The following ANO2 variants were observed in gnomAD, a reference collection of about 807,000 sequenced individuals.
ANO2 encodes the protein anoctamin 2.
ANO2 carries 101 observed loss-of-function variants against 124.2 expected under a neutral mutation model. That is an observed-to-expected ratio of 0.81 (90% confidence interval 0.69 to 0.96). The LOEUF (loss-of-function observed/expected upper bound fraction) is 0.96. Ranked by LOEUF, ANO2 falls within the 40% of genes least tolerant of loss-of-function variation. ANO2 has a pLI of 0.00. For synonymous variants in ANO2, 486 were observed against 482.5 expected (o/e 1.01, Z -0.09); for missense variants, 1,293 against 1,274.5 (o/e 1.01, Z -0.22).
chr12:5,677,828 G>A (rs3782619), intron 14 of ANO2, among the ~76,000 whole-genome samples: 19,512 of 152,168 alleles, frequency 0.13, 1,315 homozygotes, highest in East Asian at 0.22. Flanking sequence ...CTTCCCTGCC[G>A]TTCCCACTTC....
intron 9 of ANO2, among the ~76,000 whole-genome samples, chr12:5,800,274 G>A (rs971393974): frequency 1.4e-4 from 21 of 152,238 alleles, no homozygotes; most frequent in African/African-American, 5.1e-4. Flanking sequence ...GAGAACGTGG[G>A]AGACAAAGTC....
intron 16 of ANO2, among the ~76,000 whole-genome samples, chr12:5,615,947 T>C (rs902947718): frequency 4.6e-5 from 7 of 152,082 alleles, no homozygotes; most frequent in Admixed American, 1.3e-4. Flanking sequence ...GTTTGACTCA[T>C]AGGTCACGGG....
At chr12:5,750,707 G>A in intron 11 of ANO2, 129 bp downstream of exon 11, 1 of 984,972 alleles carries the variant, frequency 1.0e-6, no homozygotes, top group South Asian at 1.8e-5. Flanking sequence ...AGCTACATGT[G>A]TCATAGCGAA....
intron 3 of ANO2, among the ~76,000 whole-genome samples, chr12:5,920,020 C>G (rs930537088): frequency 4.6e-5 from 7 of 151,592 alleles, no homozygotes; most frequent in Non-Finnish European, 7.4e-5. Flanking sequence ...TTTAAAGGAT[C>G]ACTGTGGTGT....
At position 5,832,476 on chromosome 12, in the gene ANO2, G is replaced by C; in HGVS notation, c.761C>G (p.Pro254Arg). The change falls in exon 5 of 25, where the codon CCA (proline) becomes CGA (arginine). Residue 254 changes from proline (P) to arginine (R), a missense_variant. Coordinates refer to ENST00000682330, the MANE Select transcript of ANO2 (RefSeq NM_001364791.2). Reference sequence around the variant, plus strand: ...CAGGTACATCTTCTCCCTGGAGAATGGGTAGGAGAGGTTTTTCATCTTGTT... The same window carrying C: ...CAGGTACATCTTCTCCCTGGAGAATCGGTAGGAGAGGTTTTTCATCTTGTT... ...SNNKMKNLSY[P>R]FSREKMYLYN... 1 of 1,613,990 alleles carries C rather than the reference G, an allele frequency of 6.2e-7. No individual in the cohort carries two copies. Among genetic ancestry groups the C allele is most frequent in the East Asian group, 2.2e-5 (1 of 44,876 alleles).
Position 5,943,249 on chromosome 12 carries a change from T to C in ANO2, c.22+1947A>G, listed in dbSNP as rs114230038. On this transcript the variant is annotated intron_variant, in intron 1 of 24. Coordinates refer to ENST00000682330, the MANE Select transcript of ANO2 (RefSeq NM_001364791.2). ...TTAACTAAAAAGTGAATAAAGAAAA[T>C]GTGGGATGTCTGTGTTTGAGTGTGT... is the stretch of plus-strand genomic sequence containing the variant. 6.0e-3 allele frequency among the ~76,000 whole-genome samples: 896 copies of C among 148,870 alleles called. 5 individuals are homozygous for C. Among genetic ancestry groups the C allele is most frequent in the African/African-American group, 0.021 (857 of 40,438 alleles).
intron 4 of ANO2, among the ~76,000 whole-genome samples, chr12:5,846,817 G>T (rs1483652375): frequency 1.3e-5 from 2 of 152,096 alleles, no homozygotes; most frequent in Non-Finnish European, 2.9e-5. Flanking sequence ...CTAAATCCAG[G>T]ATGATCTCAT....
chr12:5,784,078 T>C (rs1351785798), intron 10 of ANO2, among the ~76,000 whole-genome samples: 3 of 152,206 alleles, frequency 2.0e-5, no homozygotes, highest in Non-Finnish European at 4.4e-5. Flanking sequence ...ACACTCTTCA[T>C]TCCAGCTACA....
chr12:5,915,178 A>C (rs537264309), intron 3 of ANO2, among the ~76,000 whole-genome samples: 1 of 152,354 alleles, frequency 6.6e-6, no homozygotes, highest in South Asian at 2.1e-4. Context: ...GTCACCCATA[A>C]GCATCTCCAA....
chr12:5,941,812 G>T (rs1942905041), intron 1 of ANO2, among the ~76,000 whole-genome samples: 1 of 152,118 alleles, frequency 6.6e-6, no homozygotes, highest in Non-Finnish European at 1.5e-5. Context: ...ATGAATTTAG[G>T]CTAGCTTCTC....
chr12:5,809,971 A>G (rs532754793), intron 7 of ANO2, among the ~76,000 whole-genome samples: 1 of 151,860 alleles, frequency 6.6e-6, no homozygotes, highest in Non-Finnish European at 1.5e-5. Flanking sequence ...AAACTTTTAC[A>G]CTCCAGCTGA....
intron 10 of ANO2, among the ~76,000 whole-genome samples, chr12:5,781,848 T>C (rs146462381): frequency 1.6e-4 from 24 of 152,358 alleles, no homozygotes; most frequent in Non-Finnish European, 3.2e-4. Flanking sequence ...TTTAAAATCA[T>C]TGGAACTTGT....
chr12:5,940,123 T>C (rs1003468526), intron 1 of ANO2, among the ~76,000 whole-genome samples: 1 of 152,164 alleles, frequency 6.6e-6, no homozygotes, highest in African/African-American at 2.4e-5. Context: ...TGTGTGACAG[T>C]AGTTGGCCAA....
At chr12:5,771,308 C>A in intron 10 of ANO2, among the ~76,000 whole-genome samples, 1 of 152,110 alleles carries the variant, frequency 6.6e-6, no homozygotes, top group East Asian at 1.9e-4. Context: ...GGTCACACAG[C>A]TAATGAGAAG....
At chr12:5,584,776 G>A (rs1943013850) in intron 20 of ANO2, among the ~76,000 whole-genome samples, 1 of 152,188 alleles carries the variant, frequency 6.6e-6, no homozygotes, top group Admixed American at 6.5e-5. Context: ...GAAAAGGCAC[G>A]AGCTATTTTA....
At chr12:5,816,265 T>C (rs1953606828) in intron 7 of ANO2, among the ~76,000 whole-genome samples, 1 of 152,050 alleles carries the variant, frequency 6.6e-6, no homozygotes, top group African/African-American at 2.4e-5. Context: ...AATCTAAATT[T>C]ACCCTGTGGC....
At chr12:5,749,339 A>G (rs1055033014) in intron 11 of ANO2, among the ~76,000 whole-genome samples, 5 of 152,194 alleles carry the variant, frequency 3.3e-5, no homozygotes, top group African/African-American at 1.2e-4. Context: ...GCCACAATGA[A>G]TTGGCCCGGG....
intron 3 of ANO2, among the ~76,000 whole-genome samples, chr12:5,917,650 T>A (rs1445988380): frequency 6.7e-6 from 1 of 148,566 alleles, no homozygotes; most frequent in East Asian, 2.1e-4. Context: ...TCACTGCAAC[T>A]TCCACCTCCA....
At chr12:5,892,649 A>G (rs899342273) in intron 3 of ANO2, among the ~76,000 whole-genome samples, 1 of 152,236 alleles carries the variant, frequency 6.6e-6, no homozygotes, top group Non-Finnish European at 1.5e-5. Flanking sequence ...ATGCTTAAAG[A>G]AAAGAATTGT....
Sources: gnomAD v4.1 joint callset for allele counts (sites outside exome capture counted in the v4.1 genomes callset) on GRCh38, gnomAD v4.1.1 for gene constraint, MANE v1.5 for transcripts, NCBI Gene and HGNC (gene_info 2026-07-23, HGNC 2026-07-21) for gene names.